The following GDAP2 variants were observed in gnomAD, a reference collection of about 807,000 sequenced individuals.
The protein encoded by GDAP2 is ganglioside-induced differentiation-associated protein 2.
Under a neutral mutation model 67.0 loss-of-function variants are expected in GDAP2, and 51 were observed. The observed-to-expected ratio is 0.76, with a 90% CI of 0.61 to 0.96. The LOEUF is 0.96. Ranked by LOEUF, GDAP2 falls within the 40% of genes least tolerant of loss-of-function variation. The pLI is 0.00. For synonymous variants in GDAP2, 203 were observed against 207.3 expected, an observed-to-expected ratio of 0.98 and a Z score of 0.18; for missense variants, 547 against 588.3, an observed-to-expected ratio of 0.93 and a Z score of 0.73.
At chr1:117,902,185 C>A (rs973589134) in intron 6 of GDAP2, among the ~76,000 whole-genome samples, 11 of 152,232 alleles carry the variant, frequency 7.2e-5, no homozygotes, top group Admixed American at 2.0e-4. Context: ...TGTTTCTTGC[C>A]ATAGACCTCT....
rs546201791 is a variant in GDAP2 at position 117,883,475 on chromosome 1, A to G, written c.1247+13T>C. 2.5e-6 allele frequency: 4 copies of G among 1,604,780 alleles called. No homozygotes were observed. In the South Asian group the frequency reaches 3.3e-5, roughly 13 times the overall value. On this transcript the variant is annotated intron_variant, in intron 11 of 13. Coordinates refer to ENST00000369443, the MANE Select transcript of GDAP2 (RefSeq NM_017686.4). ...AAACTATTTCCCCTTCATAATTTGC[A>G]AAAATAACTAACTTGACATCAACAA...
chr1:117,872,464 G>C (rs1292185810), intron 13 of GDAP2, among the ~76,000 whole-genome samples: 1 of 152,062 alleles, frequency 6.6e-6, no homozygotes, highest in African/African-American at 2.4e-5. Context: ...TGATAGACTA[G>C]ATAAAGAAAA....
intron 8 of GDAP2, among the ~76,000 whole-genome samples, chr1:117,890,213 G>GGAGGCAAATTCTAGACATGTCGTA: frequency 6.6e-6 from 1 of 152,116 alleles, no homozygotes; most frequent in Non-Finnish European, 1.5e-5. Flanking sequence ...GGAGCAGAGT[G>GGAGGCAAATTCTAGACATGTCGTA]GAGGCAAATT....
In GDAP2 at chr1:117,899,072, G is replaced by C; in HGVS notation, c.781C>G (p.Pro261Ala). The change falls in exon 7 of 14, where the codon CCT (proline) becomes GCT (alanine). Residue 261 changes from proline (P) to alanine (A), a missense_variant. Pro to Ala is a conservative substitution (Grantham distance 27). Coordinates refer to ENST00000369443, the MANE Select transcript of GDAP2 (RefSeq NM_017686.4). ...TAGAACTCACCTTCTGGAGCACCAG[G>C]TTTCTCACTTATTCTAATCTGTCGT... ...PERQIRISEK[P>A]GAPEDNQEEE... 1 of 1,613,538 alleles carries C rather than the reference G, an allele frequency of 6.2e-7. No homozygotes were observed. Among genetic ancestry groups the C allele is most frequent in the Non-Finnish European group, 8.5e-7 (1 of 1,179,538 alleles).
At chr1:117,927,861 T>A (rs993304521) in intron 1 of GDAP2, among the ~76,000 whole-genome samples, 4 of 152,194 alleles carry the variant, frequency 2.6e-5, no homozygotes, top group Non-Finnish European at 4.4e-5. Context: ...CCCTTCATAT[T>A]AAATGAACTG....
chr1:117,890,529 G>A (rs936787070), intron 8 of GDAP2, among the ~76,000 whole-genome samples: 1 of 151,750 alleles, frequency 6.6e-6, no homozygotes, highest in Non-Finnish European at 1.5e-5. Context: ...TCGCATAACT[G>A]GTATATGCAT....
chr1:117,883,548 C>T lies in GDAP2; in HGVS notation c.1187G>A (p.Ser396Asn). ...GTCGGAGTCCAGGTGATTGTATTCGCTGGTCAGGGTGTGAAAATACACTAA... is the reference window on the plus strand; with the variant it reads ...GTCGGAGTCCAGGTGATTGTATTCGTTGGTCAGGGTGTGAAAATACACTAA... ...YVLVYFHTLT[S>N]EYNHLDSDFL... Residue 396 changes from serine (S) to asparagine (N), a missense_variant, in exon 11 of 14, where the codon AGC (serine) becomes AAC (asparagine). Ser to Asn is a conservative substitution (Grantham distance 46). Transcript: ENST00000369443. The T allele has an allele frequency of 1.9e-6, 3 of 1,610,252 alleles. No homozygotes were observed. The highest frequency in any genetic ancestry group is 2.5e-6 in the Non-Finnish European group (3 of 1,176,806).
rs1648129326 is a variant in GDAP2, at chr1:117,867,823, A to T, written c.*2746T>A. 2 of 152,240 alleles carry T rather than the reference A, an allele frequency of 1.3e-5. No individual in the cohort carries two copies. The highest frequency in any genetic ancestry group is 2.9e-5 in the Non-Finnish European group (2 of 68,046). The allele number at this position is 152,240 out of a possible 1,614,324, so 9.4% of individuals were successfully genotyped here. A position where few individuals can be genotyped will look rare whatever the true frequency, so the allele number is the denominator to read the frequency against. ...CCCTCACGAGTCTAATAAAGGCTGA[A>T]CCTTTTTTAAGAGGTAATTTTCACT... On this transcript the variant is annotated 3_prime_UTR_variant, in exon 14 of 14. Coordinates refer to ENST00000369443, the MANE Select transcript of GDAP2 (RefSeq NM_017686.4).
chr1:117,923,986 T>C (rs1178557182), intron 1 of GDAP2, among the ~76,000 whole-genome samples: 2 of 152,260 alleles, frequency 1.3e-5, no homozygotes, highest in Non-Finnish European at 2.9e-5. Flanking sequence ...TATTGTTGCT[T>C]GCATATTCAT....
intron 3 of GDAP2, among the ~76,000 whole-genome samples, chr1:117,918,086 G>A (rs1650111257): frequency 6.6e-6 from 1 of 152,166 alleles, no homozygotes; most frequent in Non-Finnish European, 1.5e-5. Context: ...AGAAGGGAAG[G>A]AAAGCAAGAT....
rs1367608778 is a variant in GDAP2, at chr1:117,866,427, T to C, written c.*4142A>G. 6.6e-6 allele frequency: 1 copy of C among 152,046 alleles called. No individual in the cohort carries two copies. Among genetic ancestry groups the C allele is most frequent in the African/African-American group, 2.4e-5 (1 of 41,426 alleles). The allele number at this position is 152,046 out of a possible 1,614,324, so 9.4% of individuals were successfully genotyped here. ...TTCACCCAAAATGACTAAGGTAAGGTAAAGCCCTCCTTTCATTCTTCATGG... is the reference window on the plus strand; with the variant it reads ...TTCACCCAAAATGACTAAGGTAAGGCAAAGCCCTCCTTTCATTCTTCATGG... On this transcript the variant is annotated 3_prime_UTR_variant, in exon 14 of 14. Coordinates refer to ENST00000369443, the MANE Select transcript of GDAP2 (RefSeq NM_017686.4).
chr1:117,914,282 C>CA (rs1649970033), intron 3 of GDAP2, among the ~76,000 whole-genome samples: 1 of 152,156 alleles, frequency 6.6e-6, no homozygotes, highest in African/African-American at 2.4e-5. Context: ...GTCATAAAAA[C>CA]AAACTATTCA....
chr1:117,919,305 C>T (rs944739872), intron 2 of GDAP2, among the ~76,000 whole-genome samples: 11 of 149,490 alleles, frequency 7.4e-5, no homozygotes, highest in South Asian at 2.1e-4. Flanking sequence ...ACCTGGGAGG[C>T]GGAGCTTGCA....
intron 12 of GDAP2, among the ~76,000 whole-genome samples, chr1:117,879,067 G>A (rs1261442655): frequency 6.6e-6 from 1 of 152,172 alleles, no homozygotes; most frequent in Admixed American, 6.5e-5. Context: ...AAGGTTCTTG[G>A]AGCAGTGCAA....
chr1:117,878,270 G>A (rs1001892593), intron 12 of GDAP2, 118 bp from the exon 13 acceptor site: 3 of 534,318 alleles, frequency 5.6e-6, no homozygotes, highest in Non-Finnish European at 9.9e-6. Flanking sequence ...AATAACTAGT[G>A]TTTTCAAAGC....
chr1:117,873,435 C>G (rs1376595608), intron 13 of GDAP2, among the ~76,000 whole-genome samples: 1 of 151,654 alleles, frequency 6.6e-6, no homozygotes, highest in Non-Finnish European at 1.5e-5. Flanking sequence ...TAAACAGATA[C>G]TAACCACTTC....
intron 7 of GDAP2, among the ~76,000 whole-genome samples, chr1:117,898,182 G>T (rs1423794457): frequency 6.6e-6 from 1 of 152,104 alleles, no homozygotes; most frequent in Non-Finnish European, 1.5e-5. Context: ...TGCATTTTAT[G>T]AAAGAAAAAT....
chr1:117,916,410 C>T (rs1650045280), intron 3 of GDAP2, among the ~76,000 whole-genome samples: 1 of 152,078 alleles, frequency 6.6e-6, no homozygotes. Flanking sequence ...TAAGATCTTG[C>T]AAGGACATGG....
At chr1:117,919,468 T>C (rs1350775804) in intron 2 of GDAP2, among the ~76,000 whole-genome samples, 1 of 152,180 alleles carries the variant, frequency 6.6e-6, no homozygotes, top group Non-Finnish European at 1.5e-5. Flanking sequence ...AATTTTATTG[T>C]ATTCATTCCA....
Sources: allele counts gnomAD v4.1 joint callset (sites outside exome capture counted in the v4.1 genomes callset), GRCh38; gene constraint gnomAD v4.1.1; transcripts MANE v1.5; gene names NCBI Gene and HGNC (gene_info 2026-07-23, HGNC 2026-07-21).